Variants in ABCA13 observed in about 807,000 individuals in gnomAD.
ABCA13 encodes the protein ATP binding cassette subfamily A member 13.
ABCA13 carries 476 observed loss-of-function variants against 478.7 expected under a neutral mutation model. That is an observed-to-expected ratio of 0.99 (90% CI 0.92 to 1.07). ABCA13 has a LOEUF of 1.07. Among genes scored for constraint, ABCA13 ranks in the 50% least tolerant of loss-of-function variants. The pLI, the probability that ABCA13 is intolerant of heterozygous loss-of-function variation, is 0.00. For missense variants in ABCA13, 6,060 were observed against 5,910.6 expected, an observed-to-expected ratio of 1.03 and a Z score of -0.83; for synonymous variants, 2,252 against 2,158.9, an observed-to-expected ratio of 1.04 and a Z score of -1.20.
intron 27 of ABCA13, among the ~76,000 whole-genome samples, chr7:48,327,182 A>C (rs906062764): frequency 6.6e-6 from 1 of 152,200 alleles, no homozygotes; most frequent in Admixed American, 6.5e-5. Context: ...ATTGACTCAC[A>C]GTTTCACATG....
At chr7:48,473,409 C>A (rs1045980512) in intron 45 of ABCA13, among the ~76,000 whole-genome samples, 2 of 152,094 alleles carry the variant, frequency 1.3e-5, no homozygotes, top group Non-Finnish European at 2.9e-5. Flanking sequence ...CACAGGAGGC[C>A]CCTTTCTGTG....
chr7:48,458,508 G>C (rs1384456314), intron 43 of ABCA13, among the ~76,000 whole-genome samples: 1 of 152,178 alleles, frequency 6.6e-6, no homozygotes, highest in Non-Finnish European at 1.5e-5. Context: ...CATTAGCTTT[G>C]TGCTGATTTG....
intron 43 of ABCA13, among the ~76,000 whole-genome samples, chr7:48,464,046 A>C (rs545715083): frequency 8.3e-4 from 127 of 152,286 alleles, no homozygotes; most frequent in Admixed American, 4.8e-3. Context: ...GTGCACAATA[A>C]ATTTTAAGAG....
Position 48,202,520 on chromosome 7 carries a change from G to C in ABCA13, c.287+4160G>C, listed in dbSNP as rs369176930. Among the ~76,000 whole-genome samples the C allele has an allele frequency of 1.8e-3, 264 of 150,678 alleles. 1 individual carries two copies. The highest frequency in any genetic ancestry group is 6.0e-3 in the African/African-American group (246 of 40,868). ...GGCCCCACCAGAGCAGCTAGATACA[G>C]AGTGTCGATTGTTGCACTCACAAAC... On this transcript the variant is annotated intron_variant, in intron 3 of 61. Transcript: ENST00000435803.
At position 48,452,470 on chromosome 7, in the gene ABCA13, A is replaced by G. The variant is rs1825159957; in HGVS notation, c.12566-2567A>G. On this transcript the variant is annotated intron_variant, in intron 42 of 61. Transcript: ENST00000435803. ...ACATAAATCACCACTCTCTGAGTCTACTCTATTCCTTTTCTGTTACCAGAG... is the reference window on the plus strand; with the variant it reads ...ACATAAATCACCACTCTCTGAGTCTGCTCTATTCCTTTTCTGTTACCAGAG... Among the ~76,000 whole-genome samples, 3 of 152,164 alleles carry G rather than the reference A, an allele frequency of 2.0e-5. 1 individual carries two copies. The South Asian group carries it at 6.2e-4, about 32-fold the overall frequency.
At chr7:48,445,823 A>G (rs1824222401) in intron 42 of ABCA13, among the ~76,000 whole-genome samples, 1 of 152,120 alleles carries the variant, frequency 6.6e-6, no homozygotes, top group African/African-American at 2.4e-5. Context: ...GTCTGTCATA[A>G]TAAACCTGGA....
intron 48 of ABCA13, among the ~76,000 whole-genome samples, chr7:48,493,730 A>G (rs1253440199): frequency 2.0e-5 from 3 of 152,238 alleles, no homozygotes; most frequent in Non-Finnish European, 4.4e-5. Context: ...CTGTCTGTAC[A>G]TTGGAATCAC....
chr7:48,544,458 A>G (rs7455877), intron 55 of ABCA13, among the ~76,000 whole-genome samples: 21,191 of 151,482 alleles, frequency 0.14, 2,031 homozygotes, highest in African/African-American at 0.23. Context: ...GGATGATGAG[A>G]CGCTGAAGGT....
chr7:48,410,755 T>C (rs1267368945), intron 40 of ABCA13, 78 bp downstream of exon 40: 1 of 1,544,090 alleles, frequency 6.5e-7, no homozygotes, highest in South Asian at 1.2e-5. Flanking sequence ...GACAGTTACA[T>C]AGTAATAACG....
chr7:48,335,594 A>G (rs1339274221), intron 28 of ABCA13, 59 bp downstream of exon 28: 2 of 1,347,632 alleles, frequency 1.5e-6, no homozygotes, highest in African/African-American at 1.4e-5. Context: ...CATGTCCGAG[A>G]CATCAGGGCT....
intron 55 of ABCA13, among the ~76,000 whole-genome samples, chr7:48,556,152 T>C (rs1021637180): frequency 2.0e-5 from 3 of 151,946 alleles, no homozygotes; most frequent in Non-Finnish European, 4.4e-5. Flanking sequence ...TTTATTCTCT[T>C]GTGGTCAGGG....
At chr7:48,580,148 T>A in intron 55 of ABCA13, 76 bp from the exon 56 acceptor site, 1 of 1,429,288 alleles carries the variant, frequency 7.0e-7, no homozygotes, top group Non-Finnish European at 9.3e-7. Context: ...TTGTTATTGA[T>A]GAGCCACATT....
At chr7:48,284,022 A>T (rs1331940336) in intron 19 of ABCA13, among the ~76,000 whole-genome samples, 1 of 152,206 alleles carries the variant, frequency 6.6e-6, no homozygotes, top group African/African-American at 2.4e-5. Flanking sequence ...TGCCTTGAAC[A>T]TGCTAGTTGC....
At chr7:48,574,829 G>A (rs1255505550) in intron 55 of ABCA13, among the ~76,000 whole-genome samples, 1 of 152,026 alleles carries the variant, frequency 6.6e-6, no homozygotes, top group Non-Finnish European at 1.5e-5. Flanking sequence ...TTTGGGATTT[G>A]AATCTTTAAT....
chr7:48,341,016 T>C (rs1455148728), intron 29 of ABCA13, among the ~76,000 whole-genome samples: 1 of 152,202 alleles, frequency 6.6e-6, no homozygotes, highest in African/African-American at 2.4e-5. Flanking sequence ...AGATGCAGAT[T>C]TAGTTTTGTA....
intron 47 of ABCA13, among the ~76,000 whole-genome samples, chr7:48,483,976 G>A (rs1440128876): frequency 6.6e-6 from 1 of 152,206 alleles, no homozygotes; most frequent in Non-Finnish European, 1.5e-5. Flanking sequence ...TCTGTAGTGT[G>A]TGGATGTTGT....
At chr7:48,618,788 C>A (rs138593441) in intron 59 of ABCA13, among the ~76,000 whole-genome samples, 1 of 152,066 alleles carries the variant, frequency 6.6e-6, no homozygotes, top group African/African-American at 2.4e-5. Context: ...ATGTGAGAGC[C>A]CCTTAGAGGA....
At chr7:48,515,944 G>T (rs1188103252) in intron 51 of ABCA13, among the ~76,000 whole-genome samples, 1 of 152,098 alleles carries the variant, frequency 6.6e-6, no homozygotes, top group African/African-American at 2.4e-5. Flanking sequence ...CTTTCTCCAG[G>T]CCACAGAGCC....
At chr7:48,544,562 T>C (rs1268220404) in intron 55 of ABCA13, among the ~76,000 whole-genome samples, 3 of 151,900 alleles carry the variant, frequency 2.0e-5, no homozygotes, top group Non-Finnish European at 4.4e-5. Flanking sequence ...AGTTTCTGGA[T>C]ACCTGAACAC....
Sources: allele counts gnomAD v4.1 joint callset (sites outside exome capture counted in the v4.1 genomes callset), GRCh38; gene constraint gnomAD v4.1.1; transcripts MANE v1.5; gene names NCBI Gene and HGNC (gene_info 2026-07-23, HGNC 2026-07-21).